Variants in SYCP2L observed in about 807,000 individuals in gnomAD.
SYCP2L encodes the protein synaptonemal complex protein 2 like, also known as synaptonemal complex protein 2-like.
A neutral mutation model predicts 125.8 loss-of-function variants in SYCP2L; 98 were observed. The observed-to-expected ratio is 0.78, with a 90% CI of 0.66 to 0.92. SYCP2L has a LOEUF of 0.92. Ranked by LOEUF, SYCP2L falls within the 40% of genes least tolerant of loss-of-function variation. The probability of loss-of-function intolerance (pLI) is 0.00; values close to 1 mark genes in which losing one functional copy is unlikely to be tolerated. For missense variants in SYCP2L, 842 were observed against 936.4 expected (o/e 0.90, Z 1.32); for synonymous variants, 317 against 325.4 (o/e 0.97, Z 0.28).
intron 14 of SYCP2L, among the ~76,000 whole-genome samples, chr6:10,914,334 G>C (rs1377279713): frequency 2.0e-5 from 3 of 152,062 alleles, no homozygotes; most frequent in Non-Finnish European, 2.9e-5. Context: ...GTTTATTTCT[G>C]GGTTCTCTAT....
At chr6:10,932,201 A>C (rs1221910082) in intron 20 of SYCP2L, among the ~76,000 whole-genome samples, 2 of 152,074 alleles carry the variant, frequency 1.3e-5, no homozygotes, top group South Asian at 2.1e-4. Context: ...AGTGCTTAGG[A>C]TACCTTCGGG....
intron 26 of SYCP2L, among the ~76,000 whole-genome samples, chr6:10,960,354 C>G (rs906966463): frequency 6.6e-6 from 1 of 152,152 alleles, no homozygotes; most frequent in South Asian, 2.1e-4. Flanking sequence ...TTCCCATGCT[C>G]TTTCAGGGGC....
intron 4 of SYCP2L, among the ~76,000 whole-genome samples, chr6:10,897,041 AT>A (rs57840245): frequency 0.3 from 44,616 of 150,008 alleles, 6,846 homozygotes; most frequent in African/African-American, 0.36. Flanking sequence ...AGTTTTTCTA[AT>A]TTTTTTTTTT....
At chr6:10,918,736 A>G (rs374058348) in intron 14 of SYCP2L, among the ~76,000 whole-genome samples, 108 of 152,158 alleles carry the variant, frequency 7.1e-4, no homozygotes, top group African/African-American at 2.4e-3. Context: ...GGGTTTCACC[A>G]TGTTGGCCAG....
chr6:10,927,373 T>C lies in SYCP2L; in HGVS notation c.1440+6T>C, dbSNP rs367793934. 2 of 1,605,800 alleles carry C rather than the reference T, an allele frequency of 1.2e-6. No individual in the cohort carries two copies. The highest frequency in any genetic ancestry group is 8.5e-7 in the Non-Finnish European group (1 of 1,174,172). On this transcript the variant is annotated splice_donor_region_variant and intron_variant, in intron 17 of 29. Transcript: ENST00000283141. ...AACCTGCCTCTGATAGTCACGTAGGTTCTTTTCTATTTTCCCTAAGCATCG... is the reference window on the plus strand; with the variant it reads ...AACCTGCCTCTGATAGTCACGTAGGCTCTTTTCTATTTTCCCTAAGCATCG...
intron 1 of SYCP2L, 98 bp downstream of exon 1, chr6:10,887,233 T>C: frequency 1.3e-6 from 2 of 1,536,596 alleles, no homozygotes; most frequent in Non-Finnish European, 1.8e-6. Context: ...CCTTGAGGTG[T>C]TCGCTCAGAG....
At chr6:10,964,567 ATTAAAAATTTAAAATTTAAATT>A (rs1303021571) in intron 29 of SYCP2L, among the ~76,000 whole-genome samples, 9 of 152,192 alleles carry the variant, frequency 5.9e-5, no homozygotes, top group African/African-American at 4.8e-5. Context: ...TTTGGATTAA[ATTAAAAATTTAAAATTTAAATT>A]TTAAAAATTT....
chr6:10,892,647 C>A (rs1206717082), intron 2 of SYCP2L, among the ~76,000 whole-genome samples: 1 of 152,154 alleles, frequency 6.6e-6, no homozygotes, highest in East Asian at 1.9e-4. Flanking sequence ...GCTGAGCAAT[C>A]TCACATAAGT....
chr6:10,954,350 T>C lies in SYCP2L; in HGVS notation c.1955-766T>C, dbSNP rs866725187. Among the ~76,000 whole-genome samples, 17 of 151,866 alleles carry C rather than the reference T, an allele frequency of 1.1e-4. No homozygotes were observed. Among genetic ancestry groups the C allele is most frequent in the African/African-American group, 3.9e-4 (16 of 41,322 alleles). On this transcript the variant is annotated intron_variant, in intron 23 of 29. Transcript: ENST00000283141. The surrounding 1 kb of genome is among the most constrained non-coding windows in gnomAD (Gnocchi z 4.8). ...CAAGAGAGAGATTTGGAAGTGACAATTGAAGGTGAAGGATTGACGATTTCC... is the reference window on the plus strand; with the variant it reads ...CAAGAGAGAGATTTGGAAGTGACAACTGAAGGTGAAGGATTGACGATTTCC...
At chr6:10,926,956 T>C (rs1239423747) in intron 16 of SYCP2L, among the ~76,000 whole-genome samples, 1 of 152,128 alleles carries the variant, frequency 6.6e-6, no homozygotes, top group Non-Finnish European at 1.5e-5. Context: ...ATTTTTTGTA[T>C]TTTCAGCAGA....
intron 8 of SYCP2L, among the ~76,000 whole-genome samples, chr6:10,905,287 A>G (rs962332867): frequency 1.3e-5 from 2 of 150,872 alleles, no homozygotes; most frequent in Admixed American, 6.6e-5. Flanking sequence ...CTAAATTATT[A>G]TTATTATTAC....
chr6:10,948,830 G>A (rs894364913), intron 23 of SYCP2L, among the ~76,000 whole-genome samples: 3 of 152,060 alleles, frequency 2.0e-5, no homozygotes, highest in African/African-American at 7.2e-5. Context: ...TGGGGAATTT[G>A]GGGGAAAACG....
chr6:10,911,611 G>A (rs1490826743), intron 12 of SYCP2L, among the ~76,000 whole-genome samples: 1 of 152,014 alleles, frequency 6.6e-6, no homozygotes, highest in Non-Finnish European at 1.5e-5. Flanking sequence ...TCTCAATTCT[G>A]TGTATTTTCC....
chr6:10,923,080 C>A (rs1780827814), intron 14 of SYCP2L, among the ~76,000 whole-genome samples: 1 of 152,136 alleles, frequency 6.6e-6, no homozygotes, highest in Non-Finnish European at 1.5e-5. Flanking sequence ...ACTAGGCATG[C>A]TTTCAGTACT....
intron 4 of SYCP2L, among the ~76,000 whole-genome samples, chr6:10,895,832 A>C (rs1780249420): frequency 6.6e-6 from 1 of 151,622 alleles, no homozygotes; most frequent in Non-Finnish European, 1.5e-5. Context: ...ACTGAACACA[A>C]AGTGTGCTCG....
intron 23 of SYCP2L, among the ~76,000 whole-genome samples, chr6:10,944,831 C>A (rs1781280783): frequency 6.6e-6 from 1 of 152,148 alleles, no homozygotes; most frequent in Admixed American, 6.5e-5. Context: ...TCTCCTGCCT[C>A]AGCCTCCCAA....
Position 10,958,803 on chromosome 6 carries a change from C to A in SYCP2L, c.2183C>A (p.Pro728Gln). 1.9e-6 allele frequency: 3 copies of A among 1,613,290 alleles called. No homozygotes were observed. The highest frequency in any genetic ancestry group is 2.5e-6 in the Non-Finnish European group (3 of 1,179,756). ...RKYELRYRKRPFNSENAKKAP... is the reference protein window; with the variant it reads ...RKYELRYRKRQFNSENAKKAP... ...ATTTAGCTTAGGTACAGAAAGCGTC[C>A]GTTTAATTCAGAAAATGCAAAGAAA... Residue 728 changes from proline (P) to glutamine (Q), a missense_variant, in exon 26 of 30, where the codon CCG (proline) becomes CAG (glutamine). By Grantham distance (76) the Pro-to-Gln change is moderately conservative. Coordinates refer to ENST00000283141, the MANE Select transcript of SYCP2L (RefSeq NM_001040274.3).
intron 1 of SYCP2L, 87 bp downstream of exon 1, chr6:10,887,222 G>C (rs1367635581): frequency 1.3e-6 from 2 of 1,563,778 alleles, no homozygotes; most frequent in African/African-American, 2.7e-5. Flanking sequence ...AGGTTCTGCC[G>C]CCTTGAGGTG....
At chr6:10,927,109 G>C (rs891142975) in intron 16 of SYCP2L, 131 bp from the exon 17 acceptor site, 18 of 1,432,958 alleles carry the variant, frequency 1.3e-5, no homozygotes, top group Non-Finnish European at 1.7e-5. Context: ...TTGGAGGTTT[G>C]AGGCAGGACC....
Sources: gnomAD v4.1 joint callset for allele counts (sites outside exome capture counted in the v4.1 genomes callset) on GRCh38, gnomAD v4.1.1 for gene constraint, Gnocchi (gnomAD v3.1) non-coding constraint, MANE v1.5 for transcripts, NCBI Gene and HGNC (gene_info 2026-07-23, HGNC 2026-07-21) for gene names.